The following SQOR variants were observed in gnomAD, a reference collection of about 807,000 sequenced individuals.
The protein encoded by SQOR is sulfide quinone oxidoreductase.
SQOR carries 39 observed loss-of-function variants against 48.6 expected under a neutral mutation model. The ratio of observed to expected loss-of-function variants is 0.80; its 90% confidence interval spans 0.62 to 1.05. The LOEUF (loss-of-function observed/expected upper bound fraction) is 1.05, where lower values mean the gene tolerates loss of function less well. Among genes scored for constraint, SQOR ranks in the 50% least tolerant of loss-of-function variants. The probability of loss-of-function intolerance (pLI) is 0.00; values close to 1 mark genes in which losing one functional copy is unlikely to be tolerated. For missense variants in SQOR, 561 were observed against 559.9 expected (o/e 1.00, Z -0.02); for synonymous variants, 220 against 206.2 (o/e 1.07, Z -0.57).
rs142392109 is a variant in SQOR at position 45,688,889 on chromosome 15, T to C, written c.1117-150T>C. On this transcript the variant is annotated intron_variant, in intron 8 of 9. Coordinates refer to ENST00000260324, the MANE Select transcript of SQOR (RefSeq NM_021199.4). ...GCCATTAGTACTATTTTTTTTGTAA[T>C]ATAATTTACATTTTTCACAGTACAA... 6.8e-4 allele frequency: 422 copies of C among 621,252 alleles called. 1 individual carries two copies. The African/African-American group carries it at 7.6e-3, about 11-fold the overall frequency. The allele number at this position is 621,252 out of a possible 1,614,324, so 38.5% of individuals were successfully genotyped here.
intron 3 of SQOR, among the ~76,000 whole-genome samples, chr15:45,662,679 C>T (rs1889743434): frequency 6.6e-6 from 1 of 152,210 alleles, no homozygotes; most frequent in African/African-American, 2.4e-5. Flanking sequence ...CCCACCCTCA[C>T]CACTCAGGGG....
chr15:45,654,881 T>C (rs755013087), intron 1 of SQOR, among the ~76,000 whole-genome samples: 5 of 152,150 alleles, frequency 3.3e-5, no homozygotes, highest in African/African-American at 4.8e-5. Context: ...GATGTTTACA[T>C]AGTGCATCAG....
chr15:45,652,176 T>C (rs996340683), intron 1 of SQOR, among the ~76,000 whole-genome samples: 8 of 152,100 alleles, frequency 5.3e-5, no homozygotes, highest in African/African-American at 1.9e-4. Context: ...GTCCGGCCGG[T>C]AGTTAATTCT....
upstream of SQOR, among the ~76,000 whole-genome samples, chr15:45,633,372 G>C (rs1476847496): frequency 6.6e-6 from 1 of 152,160 alleles, no homozygotes; most frequent in African/African-American, 2.4e-5. Flanking sequence ...TTTGTTCAGA[G>C]CTTCTTTACC....
chr15:45,675,343 C>A (rs1259500180), intron 5 of SQOR, among the ~76,000 whole-genome samples: 1 of 151,786 alleles, frequency 6.6e-6, no homozygotes, highest in African/African-American at 2.4e-5. Flanking sequence ...CCTCTCTGAA[C>A]AATATCAAGA....
At chr15:45,636,741 G>T (rs1895013851) in intron 1 of SQOR, among the ~76,000 whole-genome samples, 1 of 152,092 alleles carries the variant, frequency 6.6e-6, no homozygotes, top group Non-Finnish European at 1.5e-5. Flanking sequence ...TCTTAGTATT[G>T]CCAATACTGC....
intron 6 of SQOR, 58 bp downstream of exon 6, chr15:45,676,368 A>C: frequency 6.5e-7 from 1 of 1,532,290 alleles, no homozygotes; most frequent in Admixed American, 1.7e-5. Context: ...CGTGCCATAG[A>C]TACATGGGGG....
At chr15:45,649,624 C>G (rs1028286923) in intron 1 of SQOR, among the ~76,000 whole-genome samples, 2 of 152,040 alleles carry the variant, frequency 1.3e-5, no homozygotes, top group South Asian at 4.2e-4. Flanking sequence ...GGATTACAGG[C>G]ACCTGCCTCC....
intron 1 of SQOR, among the ~76,000 whole-genome samples, chr15:45,647,242 C>CT (rs575879711): frequency 1.4e-3 from 208 of 151,790 alleles, no homozygotes; most frequent in African/African-American, 4.9e-3. Context: ...GAGTGAAACT[C>CT]TGTTAGAAAA....
chr15:45,653,234 C>T (rs1433481229), intron 1 of SQOR, among the ~76,000 whole-genome samples: 1 of 151,764 alleles, frequency 6.6e-6, no homozygotes, highest in African/African-American at 2.4e-5. Flanking sequence ...ACAAGACTGC[C>T]CTCACTTCAG....
chr15:45,651,425 G>T (rs758938780), intron 1 of SQOR, among the ~76,000 whole-genome samples: 4 of 152,218 alleles, frequency 2.6e-5, no homozygotes, highest in Non-Finnish European at 5.9e-5. Context: ...GCTGGCTCTG[G>T]CCCCTGCCAG....
intron 7 of SQOR, 85 bp downstream of exon 7, chr15:45,682,746 G>T: frequency 6.7e-7 from 1 of 1,482,284 alleles, no homozygotes; most frequent in South Asian, 1.3e-5. Flanking sequence ...GCTTGGCATC[G>T]GCCAGAGACG....
chr15:45,657,385 G>C (rs1889631005), intron 1 of SQOR, among the ~76,000 whole-genome samples: 1 of 151,798 alleles, frequency 6.6e-6, no homozygotes, highest in South Asian at 2.1e-4. Context: ...TTCTTCTTCA[G>C]TATTAGAGGT....
chr15:45,672,399 C>A (rs1455358398), intron 4 of SQOR, among the ~76,000 whole-genome samples: 3 of 152,050 alleles, frequency 2.0e-5, no homozygotes, highest in African/African-American at 7.2e-5. Context: ...ATTGAGACTG[C>A]CAATGTTACT....
intron 1 of SQOR, among the ~76,000 whole-genome samples, chr15:45,638,730 AAAAG>A (rs977818606): frequency 4.6e-5 from 7 of 152,212 alleles, no homozygotes; most frequent in Non-Finnish European, 7.3e-5. Flanking sequence ...CTGTCTCAAA[AAAAG>A]AAAGAAAGAA....
intron 6 of SQOR, 85 bp from the exon 7 acceptor site, chr15:45,682,393 A>G (rs1037723728): frequency 7.0e-7 from 1 of 1,419,932 alleles, no homozygotes; most frequent in Non-Finnish European, 9.7e-7. Context: ...AGCACAGTGT[A>G]TAGAGTAAGG....
At chr15:45,677,567 C>T (rs574658549) in intron 6 of SQOR, among the ~76,000 whole-genome samples, 3 of 152,132 alleles carry the variant, frequency 2.0e-5, no homozygotes, top group Non-Finnish European at 4.4e-5. Flanking sequence ...TATAGCTTTT[C>T]TTTGTCTTCT....
intron 6 of SQOR, among the ~76,000 whole-genome samples, chr15:45,679,917 G>A (rs1396862624): frequency 4.6e-5 from 7 of 152,186 alleles, no homozygotes; most frequent in Non-Finnish European, 1.0e-4. Context: ...TTTTCCACAA[G>A]TCTCCCCAAT....
chr15:45,688,515 CTTTT>C, intron 8 of SQOR, 111 bp downstream of exon 8: 42 of 621,946 alleles, frequency 6.8e-5, no homozygotes, highest in South Asian at 1.5e-4. Flanking sequence ...TTCTGTTTTT[CTTTT>C]TTTTTTTTTT....
Sources: gnomAD v4.1 joint callset for allele counts (sites outside exome capture counted in the v4.1 genomes callset) on GRCh38, gnomAD v4.1.1 for gene constraint, MANE v1.5 for transcripts, NCBI Gene and HGNC (gene_info 2026-07-23, HGNC 2026-07-21) for gene names.